Variants in PTPRD observed in about 807,000 individuals in gnomAD.
The protein encoded by PTPRD is protein tyrosine phosphatase receptor type D.
In PTPRD, 34 loss-of-function variants were observed where a neutral mutation model predicts 214.5. That is an observed-to-expected ratio of 0.16 (90% CI 0.12 to 0.21). The LOEUF (loss-of-function observed/expected upper bound fraction) is 0.21. Ranked by LOEUF, PTPRD falls within the 10% of genes least tolerant of loss-of-function variation. The probability of loss-of-function intolerance (pLI) is 1.00; values close to 1 mark genes in which losing one functional copy is unlikely to be tolerated. For missense variants in PTPRD, 2,545 were observed against 2,398.7 expected, an observed-to-expected ratio of 1.06 and a Z score of -1.27; for synonymous variants, 1,128 against 845.7, an observed-to-expected ratio of 1.33 and a Z score of -5.79.
chr9:9,926,990 A>G (rs546787902), intron 5 of PTPRD, among the ~76,000 whole-genome samples: 1 of 152,180 alleles, frequency 6.6e-6, no homozygotes, highest in Non-Finnish European at 1.5e-5. Flanking sequence ...AAAATTAAAT[A>G]TAATTAGGTA....
chr9:10,004,979 T>C (rs1467696589), intron 4 of PTPRD, among the ~76,000 whole-genome samples: 1 of 152,174 alleles, frequency 6.6e-6, no homozygotes, highest in Non-Finnish European at 1.5e-5. Flanking sequence ...CAACTGTAAA[T>C]GCTAGTTTCA....
Position 8,670,867 on chromosome 9 carries a change from G to T in PTPRD, c.65-34023C>A, listed in dbSNP as rs144236251. The stretch of plus-strand genomic sequence containing the variant: ...AAAAGCACATTTCTTTCAGTAGTTA[G>T]AGAGGATCACTGGTACATTTGAGAG... On this transcript the variant is annotated intron_variant, in intron 12 of 45. Coordinates refer to ENST00000381196, the MANE Select transcript of PTPRD (RefSeq NM_002839.4). 7.8e-3 allele frequency among the ~76,000 whole-genome samples: 1,195 copies of T among 152,278 alleles called. 8 individuals carry two copies. The highest frequency in any genetic ancestry group is 0.011 in the Non-Finnish European group (735 of 68,028).
intron 11 of PTPRD, among the ~76,000 whole-genome samples, chr9:8,900,994 T>C (rs753592247): frequency 7.2e-5 from 11 of 152,142 alleles, no homozygotes; most frequent in Non-Finnish European, 1.2e-4. Context: ...ATGATAGCAT[T>C]GATATCAGTA....
rs548903489 is a variant in PTPRD at position 9,291,322 on chromosome 9, G to A, written c.-203+106127C>T. 1.0e-3 allele frequency among the ~76,000 whole-genome samples: 151 copies of A among 151,452 alleles called. 1 individual carries two copies. The highest frequency in any genetic ancestry group is 3.5e-3 in the African/African-American group (146 of 41,458). ...ACTTATAAGATGGTTCTTTTAAACC[G>A]GAAATTTGAGAGACTGCTTTCTTTA... On this transcript the variant is annotated intron_variant, in intron 9 of 45. Coordinates refer to ENST00000381196, the MANE Select transcript of PTPRD (RefSeq NM_002839.4).
At chr9:9,629,732 T>G (rs1007747137) in intron 7 of PTPRD, among the ~76,000 whole-genome samples, 1 of 152,128 alleles carries the variant, frequency 6.6e-6, no homozygotes, top group Non-Finnish European at 1.5e-5. Flanking sequence ...AAATGTCTTT[T>G]GGGGAAAGGA....
At chr9:10,296,571 C>A (rs894764174) in intron 3 of PTPRD, among the ~76,000 whole-genome samples, 2 of 152,058 alleles carry the variant, frequency 1.3e-5, no homozygotes, top group African/African-American at 4.8e-5. Context: ...GGCTGCAGCA[C>A]CCGATTAAAG....
intron 2 of PTPRD, among the ~76,000 whole-genome samples, chr9:10,460,660 TCTGGATTTACAAAC>T (rs1445023468): frequency 6.6e-6 from 1 of 152,130 alleles, no homozygotes; most frequent in Non-Finnish European, 1.5e-5. Context: ...GATTTACATA[TCTGGATTTACAAAC>T]CTGGATTGAC....
At chr9:10,409,125 C>T (rs539627072) in intron 2 of PTPRD, among the ~76,000 whole-genome samples, 2 of 151,586 alleles carry the variant, frequency 1.3e-5, no homozygotes. Flanking sequence ...AAGAAAAATA[C>T]GTAACATAAA....
At chr9:8,660,337 T>C (rs1473876646) in intron 12 of PTPRD, among the ~76,000 whole-genome samples, 1 of 152,172 alleles carries the variant, frequency 6.6e-6, no homozygotes, top group Non-Finnish European at 1.5e-5. Flanking sequence ...TTATTTGTTT[T>C]CCTTTTCCGC....
At chr9:9,256,462 GT>G (rs2099977742) in intron 9 of PTPRD, among the ~76,000 whole-genome samples, 1 of 146,344 alleles carries the variant, frequency 6.8e-6, no homozygotes, top group African/African-American at 2.5e-5. Flanking sequence ...TGATTTGAAT[GT>G]TCTTGCCTAA....
intron 9 of PTPRD, among the ~76,000 whole-genome samples, chr9:9,321,188 G>C (rs545725468): frequency 6.6e-6 from 1 of 152,154 alleles, no homozygotes; most frequent in African/African-American, 2.4e-5. Flanking sequence ...TCATGATTCT[G>C]ATGTATGTGG....
intron 2 of PTPRD, among the ~76,000 whole-genome samples, chr9:10,389,441 C>A (rs182689300): frequency 6.6e-6 from 1 of 151,968 alleles, no homozygotes; most frequent in African/African-American, 2.4e-5. Flanking sequence ...TAAACATTTA[C>A]ACTGGTCAAT....
At chr9:9,574,493 C>T (rs1292817947) in intron 8 of PTPRD, among the ~76,000 whole-genome samples, 10 of 151,980 alleles carry the variant, frequency 6.6e-5, no homozygotes, top group African/African-American at 1.2e-4. Flanking sequence ...TTTACCTTTG[C>T]GGGACATGCC....
chr9:9,604,393 T>C (rs1241134050), intron 7 of PTPRD, among the ~76,000 whole-genome samples: 2 of 152,098 alleles, frequency 1.3e-5, no homozygotes, highest in Non-Finnish European at 2.9e-5. Flanking sequence ...ATTTGGCCTT[T>C]GTAATCTAAA....
intron 2 of PTPRD, among the ~76,000 whole-genome samples, chr9:10,396,210 T>C (rs1005905653): frequency 2.6e-5 from 4 of 151,968 alleles, no homozygotes. Context: ...TTGAAACTAA[T>C]GTGATATAAT....
At chr9:8,909,966 C>G (rs919044406) in intron 11 of PTPRD, among the ~76,000 whole-genome samples, 5 of 151,462 alleles carry the variant, frequency 3.3e-5, no homozygotes, top group African/African-American at 9.7e-5. Context: ...GAGAATCTAC[C>G]AGAAAATTTT....
At chr9:9,640,778 G>A (rs2095914777) in intron 7 of PTPRD, among the ~76,000 whole-genome samples, 1 of 152,214 alleles carries the variant, frequency 6.6e-6, no homozygotes. Flanking sequence ...AAAGAAGGGA[G>A]AAGAGAATCT....
At chr9:10,492,695 T>C (rs2040726402) in intron 2 of PTPRD, among the ~76,000 whole-genome samples, 1 of 152,174 alleles carries the variant, frequency 6.6e-6, no homozygotes, top group African/African-American at 2.4e-5. Context: ...TTTCTTTTGA[T>C]GTGCAGAAGC....
intron 6 of PTPRD, among the ~76,000 whole-genome samples, chr9:9,763,022 G>T (rs1350369169): frequency 6.6e-6 from 1 of 152,136 alleles, no homozygotes; most frequent in Non-Finnish European, 1.5e-5. Flanking sequence ...TCTCCTTTGT[G>T]TGTAAGCAGA....
Sources: allele counts gnomAD v4.1 joint callset (sites outside exome capture counted in the v4.1 genomes callset), GRCh38; gene constraint gnomAD v4.1.1; transcripts MANE v1.5; gene names NCBI Gene and HGNC (gene_info 2026-07-23, HGNC 2026-07-21).